CARD14: variants seen among roughly 807,000 people sequenced by gnomAD.
CARD14 encodes caspase recruitment domain-containing protein 14.
In CARD14, 107 loss-of-function variants were observed where a neutral mutation model predicts 111.5. That is an observed-to-expected ratio of 0.96 (90% CI 0.82 to 1.13). The LOEUF is 1.13. Ranked by LOEUF, CARD14 falls within the 50% of genes most tolerant of loss-of-function variation. The pLI, the probability that CARD14 is intolerant of heterozygous loss-of-function variation, is 0.00. For missense variants in CARD14, 1,322 were observed against 1,362.3 expected (o/e 0.97, Z 0.47); for synonymous variants, 617 against 579.6 (o/e 1.06, Z -0.93).
chr17:80,207,073 C>T lies in CARD14; in HGVS notation c.2795C>T (p.Ala932Val). Residue 932 changes from alanine (A) to valine (V), a missense_variant, in exon 23 of 24, where the codon GCA becomes GTA. Ala to Val is a moderately conservative substitution (Grantham distance 64, BLOSUM62 0). Coordinates refer to ENST00000648509, the MANE Select transcript of CARD14 (RefSeq NM_001366385.1). Reference protein sequence around the residue: ...VIHVSVNEKMAKKLKKGLQRL... With the variant: ...VIHVSVNEKMVKKLKKGLQRL... Reference sequence around the variant, plus strand: ...CACGTCTCTGTCAACGAGAAGATGGCAAAGAAGCTCAAGTAGGTGCACGCT... The same window carrying T: ...CACGTCTCTGTCAACGAGAAGATGGTAAAGAAGCTCAAGTAGGTGCACGCT... 6.2e-7 allele frequency: 1 copy of T among 1,613,114 alleles called. No homozygotes were observed.
intron 7 of CARD14, chr17:80,187,864 C>G: frequency 1.0e-6 from 1 of 985,550 alleles, no homozygotes; most frequent in Non-Finnish European, 1.2e-6. Flanking sequence ...GCCCTGCACA[C>G]AGACTGCAAG....
At position 80,195,563 on chromosome 17, in the gene CARD14, G is replaced by A. The variant is rs377069416; in HGVS notation, c.1505G>A (p.Cys502Tyr). The A allele has an allele frequency of 3.1e-6, 5 of 1,611,018 alleles. No homozygotes were observed. The African/African-American group carries it at 5.3e-5, about 17-fold the overall frequency. The change falls in exon 14 of 24, where the codon TGC (cysteine) becomes TAC (tyrosine). Residue 502 changes from cysteine (C) to tyrosine (Y), a missense_variant. Cys to Tyr is a radical substitution (Grantham distance 194, BLOSUM62 -2). Transcript: ENST00000648509. The surrounding 1 kb of genome is among the most constrained non-coding windows in gnomAD (Gnocchi z 4.7). ...CTGCTGCTTATGCTTTGCAGCAGCT[G>A]CCTGGAGATCCCGGAGGGAGACCCG... Reference protein sequence around the residue: ...FGEEPWSFSSCLEIPEGDPGA... With the variant: ...FGEEPWSFSSYLEIPEGDPGA...
At chr17:80,177,090 G>A (rs2040043293) in intron 2 of CARD14, among the ~76,000 whole-genome samples, 1 of 152,220 alleles carries the variant, frequency 6.6e-6, no homozygotes, top group Admixed American at 6.5e-5. Flanking sequence ...AAGGCTCCAG[G>A]GAGGGTCTGC....
rs768022029 is a variant in CARD14, at chr17:80,192,627, C to T, written c.1356+8C>T. 52 of 1,600,102 alleles carry T rather than the reference C, an allele frequency of 3.2e-5. No individual in the cohort carries two copies. In the Middle Eastern group the frequency reaches 9.5e-4, roughly 29 times the overall value. On this transcript the variant is annotated splice_region_variant and intron_variant, in intron 12 of 23. Coordinates refer to ENST00000648509, the MANE Select transcript of CARD14 (RefSeq NM_001366385.1). ...CTCGTCAGCTCCACAGAGGTACGGC[C>T]GCTCCTCCCGCCTCCCTCACTGCCT...
At chr17:80,207,317 A>G (rs1048598011) in intron 23 of CARD14, among the ~76,000 whole-genome samples, 1 of 152,146 alleles carries the variant, frequency 6.6e-6, no homozygotes, top group South Asian at 2.1e-4. Context: ...TTGGGAGGCC[A>G]GGGTGGGCAG....
chr17:80,172,897 T>TTTTTTTTTTTTTTTTTTTTTTTTTTTTC lies in CARD14; in HGVS notation c.-689-8_-689-7insTTTTTTTTTTTTTTTTTTTTTTTTTTCT, dbSNP rs2039936009. 7.6e-6 allele frequency: 1 copy of TTTTTTTTTTTTTTTTTTTTTTTTTTTTC among 131,282 alleles called. No individual in the cohort carries two copies. The highest frequency in any genetic ancestry group is 3.0e-5 in the African/African-American group (1 of 33,218). The allele number at this position is 131,282 out of a possible 1,614,324, so 8.1% of individuals were successfully genotyped here. ...CTTTTTTTTTTTTTTTTTTTTTTTT[T>TTTTTTTTTTTTTTTTTTTTTTTTTTTTC]TGAGGTAGAGTTTCACTCTGGCTCC... On this transcript the variant is annotated splice_polypyrimidine_tract_variant and intron_variant, in intron 1 of 23. Transcript: ENST00000648509.
At chr17:80,176,313 T>C (rs1234971369) in intron 2 of CARD14, among the ~76,000 whole-genome samples, 4 of 151,036 alleles carry the variant, frequency 2.6e-5, no homozygotes, top group Non-Finnish European at 5.9e-5. Context: ...TGGGGGCACA[T>C]ATCTGTATTC....
chr17:80,186,721 C>T (rs540240879), intron 7 of CARD14, among the ~76,000 whole-genome samples: 4 of 152,104 alleles, frequency 2.6e-5, no homozygotes, highest in Admixed American at 6.5e-5. Context: ...GCTAATTTTT[C>T]GTATTTTTAG....
chr17:80,192,348 T>A, intron 11 of CARD14, 155 bp from the exon 12 acceptor site: 1 of 632,956 alleles, frequency 1.6e-6, no homozygotes, highest in Non-Finnish European at 2.9e-6. Flanking sequence ...TGTGATGGGC[T>A]CGGAGGACAG....
At chr17:80,197,877 G>A (rs2144342397) in intron 14 of CARD14, among the ~76,000 whole-genome samples, 1 of 152,342 alleles carries the variant, frequency 6.6e-6, no homozygotes, top group Admixed American at 6.5e-5. Flanking sequence ...ATTGAGGAAG[G>A]GGTGGAGGAA....
At chr17:80,187,959 T>C in intron 7 of CARD14, 14 of 986,552 alleles carry the variant, frequency 1.4e-5, no homozygotes, top group Non-Finnish European at 1.7e-5. Context: ...TTCCTCTCTC[T>C]TACTTCTTAC....
intron 4 of CARD14, among the ~76,000 whole-genome samples, chr17:80,179,682 A>G (rs1345842790): frequency 1.3e-4 from 20 of 152,228 alleles, no homozygotes; most frequent in Admixed American, 1.3e-3. Context: ...AAATTAAAAA[A>G]GAAGCCAGGC....
rs182700054 is a variant in CARD14 at position 80,182,088 on chromosome 17, T to C, written c.211+439T>C. 3.3e-5 allele frequency among the ~76,000 whole-genome samples: 5 copies of C among 152,350 alleles called. No individual in the cohort carries two copies. Among genetic ancestry groups the C allele is most frequent in the Admixed American group, 2.0e-4 (3 of 15,306 alleles). On this transcript the variant is annotated intron_variant, in intron 5 of 23. Coordinates refer to ENST00000648509, the MANE Select transcript of CARD14 (RefSeq NM_001366385.1). This position sits in a 1 kb window ranked among gnomAD's most constrained non-coding sequence, Gnocchi z 4.7. ...GAAAACAGGCAGTAGGTGGTAGCTG[T>C]CAACATGATAATGTTCATGCATGTT...
At chr17:80,171,461 G>T (rs1447749752) in intron 1 of CARD14, among the ~76,000 whole-genome samples, 2 of 151,874 alleles carry the variant, frequency 1.3e-5, no homozygotes, top group Admixed American at 1.3e-4. Context: ...GGGATTACAG[G>T]CCTGAGCCAC....
intron 7 of CARD14, among the ~76,000 whole-genome samples, chr17:80,185,290 G>A (rs1017058408): frequency 2.0e-5 from 3 of 152,008 alleles, no homozygotes; most frequent in Non-Finnish European, 2.9e-5. Flanking sequence ...GGGCTCAAGC[G>A]ATCCTCCCAC....
intron 20 of CARD14, 156 bp downstream of exon 20, chr17:80,204,497 A>G: frequency 1.5e-6 from 1 of 658,476 alleles, no homozygotes; most frequent in East Asian, 3.0e-5. Flanking sequence ...GGTGGCGCAC[A>G]CCTGTAATCC....
Position 80,195,605 on chromosome 17 carries a change from C to A in CARD14, c.1547C>A (p.Ala516Asp), listed in dbSNP as rs772064094. The change falls in exon 14 of 24, where the codon GCT (alanine) becomes GAT (aspartate). Residue 516 changes from alanine (A) to aspartate (D), a missense_variant. Transcript: ENST00000648509. The surrounding 1 kb of genome is among the most constrained non-coding windows in gnomAD (Gnocchi z 4.7). ...PEGDPGALPG[A>D]KAGDPHLDYE... The stretch of plus-strand genomic sequence containing the variant: ...GGAGACCCGGGAGCCCTGCCGGGAG[C>A]TAAGGCAGGCGACCCACACCTGGAT... The A allele has an allele frequency of 5.4e-5, 87 of 1,613,200 alleles. No homozygotes were observed. The highest frequency in any genetic ancestry group is 7.2e-5 in the Non-Finnish European group (85 of 1,179,902).
At chr17:80,180,556 C>G (rs947093324) in intron 4 of CARD14, among the ~76,000 whole-genome samples, 5 of 152,142 alleles carry the variant, frequency 3.3e-5, no homozygotes, top group African/African-American at 1.2e-4. Context: ...CCACCTGCTG[C>G]GTAGTTGAAA....
Position 80,190,868 on chromosome 17 carries a change from A to C in CARD14, c.1058A>C (p.Gln353Pro), listed in dbSNP as rs967326749. The change falls in exon 10 of 24, where the codon CAG becomes CCG. Residue 353 changes from glutamine to proline, a missense_variant. Gln to Pro is a moderately conservative substitution (Grantham distance 76). Transcript: ENST00000648509. ...YREKVNALQAQVCELQKERDQ... is the reference protein window; with the variant it reads ...YREKVNALQAPVCELQKERDQ... ...GAGAAGGTGAATGCGCTGCAGGCCC[A>C]GGTGTGCGAGCTGCAGAAGGAGCGA... 2.5e-6 allele frequency: 4 copies of C among 1,613,972 alleles called. No individual in the cohort carries two copies. Among genetic ancestry groups the C allele is most frequent in the Middle Eastern group, 1.6e-4 (1 of 6,062 alleles).
Sources: gnomAD v4.1 joint callset for allele counts (sites outside exome capture counted in the v4.1 genomes callset) on GRCh38, gnomAD v4.1.1 for gene constraint, Gnocchi (gnomAD v3.1) non-coding constraint, MANE v1.5 for transcripts, NCBI Gene and HGNC (gene_info 2026-07-23, HGNC 2026-07-21) for gene names.